The following ERBB4 variants were observed in gnomAD, a reference collection of about 807,000 sequenced individuals.
The protein encoded by ERBB4 is receptor tyrosine-protein kinase erbB-4.
A neutral mutation model predicts 158.0 loss-of-function variants in ERBB4; 42 were observed. The observed-to-expected ratio is 0.27, with a 90% CI of 0.21 to 0.34. The LOEUF is 0.34. ERBB4 is among the 10% of genes least tolerant of loss of function. The probability of loss-of-function intolerance (pLI) is 1.00; values close to 1 mark genes in which losing one functional copy is unlikely to be tolerated. For synonymous variants in ERBB4, 583 were observed against 558.7 expected (o/e 1.04, Z -0.61); for missense variants, 1,333 against 1,624.1 (o/e 0.82, Z 3.08).
chr2:211,506,452 G>A (rs76681693), intron 20 of ERBB4, among the ~76,000 whole-genome samples: 8,266 of 150,028 alleles, frequency 0.055, 743 homozygotes, highest in African/African-American at 0.19. Context: ...CAACCACAGA[G>A]TATCCTTTTT....
At chr2:212,495,765 T>C (rs1394309700) in intron 1 of ERBB4, among the ~76,000 whole-genome samples, 1 of 152,180 alleles carries the variant, frequency 6.6e-6, no homozygotes, top group Non-Finnish European at 1.5e-5. Flanking sequence ...TAGACGAATG[T>C]CATACAGGTA....
At chr2:211,504,179 T>C (rs995404354) in intron 20 of ERBB4, among the ~76,000 whole-genome samples, 31 of 152,074 alleles carry the variant, frequency 2.0e-4, no homozygotes, top group Non-Finnish European at 4.0e-4. Flanking sequence ...ATATAATTTC[T>C]GCAGACAGAA....
At position 212,494,821 on chromosome 2, in the gene ERBB4, G is replaced by A. The variant is rs192638492; in HGVS notation, c.82+43628C>T. 4.8e-3 allele frequency among the ~76,000 whole-genome samples: 735 copies of A among 152,094 alleles called. 2 individuals carry two copies. Among genetic ancestry groups the A allele is most frequent in the Non-Finnish European group, 6.8e-3 (460 of 67,964 alleles). Reference sequence around the variant, plus strand: ...AAATTAATGGCCAGCAGATGTTAATGGCCCTTGGCTGTACCTTGAGCTATC... The same window carrying A: ...AAATTAATGGCCAGCAGATGTTAATAGCCCTTGGCTGTACCTTGAGCTATC... On this transcript the variant is annotated intron_variant, in intron 1 of 27. Transcript: ENST00000342788.
chr2:212,066,056 C>A lies in ERBB4; in HGVS notation c.234+58696G>T, dbSNP rs556678052. On this transcript the variant is annotated intron_variant, in intron 2 of 27. Transcript: ENST00000342788. ...GACTAGTCACAAAGTGACTGCTGGA[C>A]AGTTTTCTCTCTACCTTAATGAAAG... Among the ~76,000 whole-genome samples the A allele has an allele frequency of 4.6e-4, 70 of 152,046 alleles. 1 individual carries two copies. Among genetic ancestry groups the A allele is most frequent in the African/African-American group, 1.5e-3 (64 of 41,512 alleles).
chr2:212,375,883 G>C (rs1306940082), intron 1 of ERBB4, among the ~76,000 whole-genome samples: 8 of 152,062 alleles, frequency 5.3e-5, no homozygotes, highest in Admixed American at 5.3e-4. Flanking sequence ...GATGCTTTAT[G>C]AAAAGTTTGC....
intron 1 of ERBB4, among the ~76,000 whole-genome samples, chr2:212,409,037 T>C (rs180676266): frequency 6.6e-6 from 1 of 152,312 alleles, no homozygotes; most frequent in Non-Finnish European, 1.5e-5. Flanking sequence ...ATTTCTTTAC[T>C]AAATCATTTA....
chr2:212,067,329 G>A lies in ERBB4; in HGVS notation c.234+57423C>T, dbSNP rs142831642. On this transcript the variant is annotated intron_variant, in intron 2 of 27. Coordinates refer to ENST00000342788, the MANE Select transcript of ERBB4 (RefSeq NM_005235.3). ...ACTGGTCTTCCCATGATTATCTTTG[G>A]TAGAAATGAGAGTGATGATAGAGAA... Among the ~76,000 whole-genome samples, 43 of 151,970 alleles carry A rather than the reference G, an allele frequency of 2.8e-4. No homozygotes were observed. In the East Asian group the frequency reaches 8.1e-3, roughly 29 times the overall value.
intron 3 of ERBB4, among the ~76,000 whole-genome samples, chr2:211,818,461 A>G (rs2076924915): frequency 6.6e-6 from 1 of 152,044 alleles, no homozygotes; most frequent in Admixed American, 6.6e-5. Context: ...AATTACCAGT[A>G]TGTGCTAGTT....
chr2:211,864,973 T>C (rs1461459554), intron 3 of ERBB4, among the ~76,000 whole-genome samples: 1 of 152,116 alleles, frequency 6.6e-6, no homozygotes, highest in South Asian at 2.1e-4. Flanking sequence ...ATTGAGTCAC[T>C]GTACTCCTGC....
intron 3 of ERBB4, among the ~76,000 whole-genome samples, chr2:211,944,176 A>ATC (rs1559154416): frequency 6.1e-5 from 1 of 16,292 alleles, no homozygotes; most frequent in Non-Finnish European, 1.4e-4. Context: ...ATATATATAT[A>ATC]CTATATATAT....
intron 1 of ERBB4, among the ~76,000 whole-genome samples, chr2:212,498,911 TCCTAAGC>T (rs1202857361): frequency 6.6e-6 from 1 of 152,016 alleles, no homozygotes; most frequent in East Asian, 1.9e-4. Context: ...AAAAATATAC[TCCTAAGC>T]CCTATCTTTG....
chr2:211,413,485 G>C (rs903796874), intron 25 of ERBB4, among the ~76,000 whole-genome samples: 1 of 151,942 alleles, frequency 6.6e-6, no homozygotes, highest in Non-Finnish European at 1.5e-5. Context: ...TCATGTCAAA[G>C]ATACCACCAT....
chr2:211,857,269 C>G lies in ERBB4; in HGVS notation c.422-69110G>C, dbSNP rs1270475974. Among the ~76,000 whole-genome samples, 3 of 149,862 alleles carry G rather than the reference C, an allele frequency of 2.0e-5. No homozygotes were observed. The South Asian group carries it at 6.4e-4, about 32-fold the overall frequency. ...TGTCCTTCCTTTGCAAAATAGTTGG[C>G]AGTCACACTTAAATTCCTCCAATTA... On this transcript the variant is annotated intron_variant, in intron 3 of 27. Transcript: ENST00000342788.
intron 13 of ERBB4, among the ~76,000 whole-genome samples, chr2:211,676,791 T>A (rs930484424): frequency 7.6e-6 from 1 of 132,432 alleles, no homozygotes; most frequent in Middle Eastern, 4.1e-3. Context: ...ATGAAATTAG[T>A]CTATTGTGTT....
intron 1 of ERBB4, among the ~76,000 whole-genome samples, chr2:212,402,479 A>G (rs1293575903): frequency 6.6e-6 from 1 of 152,078 alleles, no homozygotes; most frequent in African/African-American, 2.4e-5. Context: ...TAGAACTTAT[A>G]CACACACGAG....
At chr2:212,385,737 T>C (rs78415579) in intron 1 of ERBB4, among the ~76,000 whole-genome samples, 105 of 151,944 alleles carry the variant, frequency 6.9e-4, no homozygotes, top group African/African-American at 2.2e-3. Context: ...ATAATATTCA[T>C]ATAAACTTCA....
At chr2:211,883,058 C>A (rs183721577) in intron 3 of ERBB4, among the ~76,000 whole-genome samples, 3 of 152,208 alleles carry the variant, frequency 2.0e-5, no homozygotes, top group Admixed American at 2.0e-4. Context: ...AGATGTCCAA[C>A]AATGATAGAC....
At chr2:211,909,311 G>C (rs972044763) in intron 3 of ERBB4, among the ~76,000 whole-genome samples, 1 of 151,436 alleles carries the variant, frequency 6.6e-6, no homozygotes, top group Non-Finnish European at 1.5e-5. Flanking sequence ...TTATCATTAG[G>C]TCATGATTAT....
intron 20 of ERBB4, among the ~76,000 whole-genome samples, chr2:211,528,389 T>C (rs7564115): frequency 0.47 from 71,496 of 151,688 alleles, 17,122 homozygotes; most frequent in East Asian, 0.72. Flanking sequence ...ATAAAGAGAC[T>C]CCAATAATAC....
Sources: allele counts gnomAD v4.1 joint callset (sites outside exome capture counted in the v4.1 genomes callset), GRCh38; gene constraint gnomAD v4.1.1; transcripts MANE v1.5; gene names NCBI Gene and HGNC (gene_info 2026-07-23, HGNC 2026-07-21).